The following CNIH3 variants were observed in gnomAD, a reference collection of about 807,000 sequenced individuals.
CNIH3 encodes protein cornichon homolog 3.
CNIH3 carries 14 observed loss-of-function variants against 24.1 expected under a neutral mutation model. That is an observed-to-expected ratio of 0.58 (90% CI 0.38 to 0.91). CNIH3 has a LOEUF of 0.91. Among genes scored for constraint, CNIH3 ranks in the 40% least tolerant of loss-of-function variants. The pLI is 0.00. For missense variants in CNIH3, 178 were observed against 196.8 expected, an observed-to-expected ratio of 0.90 and a Z score of 0.57; for synonymous variants, 68 against 73.8, an observed-to-expected ratio of 0.92 and a Z score of 0.40.
rs182412002 is a variant in CNIH3, at chr1:224,544,839, T to C, written n.340-1990T>C. On this transcript the variant is annotated intron_variant and non_coding_transcript_variant, in intron 2 of 5. Coordinates refer to the CNIH3 transcript ENST00000471578. ...TCACTGCTAGAATCAAGAAAACACATGGCTTCTCCCTGCCTCCTACTTTCC... is the reference window on the plus strand; with the variant it reads ...TCACTGCTAGAATCAAGAAAACACACGGCTTCTCCCTGCCTCCTACTTTCC... 8.4e-4 allele frequency among the ~76,000 whole-genome samples: 128 copies of C among 152,316 alleles called. 1 individual carries two copies. The highest frequency in any genetic ancestry group is 1.8e-3 in the Admixed American group (27 of 15,302).
chr1:224,548,863 G>C (rs1024133938), intron 3 of CNIH3, among the ~76,000 whole-genome samples: 1 of 151,280 alleles, frequency 6.6e-6, no homozygotes, highest in Non-Finnish European at 1.5e-5. Flanking sequence ...ACCCTGGGAC[G>C]TTATTCGTAG....
chr1:224,642,073 T>G (rs915329272), intron 1 of CNIH3, among the ~76,000 whole-genome samples: 2 of 152,220 alleles, frequency 1.3e-5, no homozygotes, highest in African/African-American at 4.8e-5. Context: ...CATAACAAGA[T>G]TTGTTACATG....
At chr1:224,698,668 C>T (rs1687308431) in intron 3 of CNIH3, among the ~76,000 whole-genome samples, 1 of 152,162 alleles carries the variant, frequency 6.6e-6, no homozygotes, top group Non-Finnish European at 1.5e-5. Context: ...ATTTCAAGCA[C>T]ACATATTCTG....
chr1:224,645,716 A>G (rs939680335), intron 1 of CNIH3, among the ~76,000 whole-genome samples: 1 of 152,234 alleles, frequency 6.6e-6, no homozygotes, highest in Admixed American at 6.5e-5. Flanking sequence ...GGAGCCTAGA[A>G]ACCTAAAGAA....
chr1:224,706,478 G>C (rs1179853379), intron 3 of CNIH3, among the ~76,000 whole-genome samples: 1 of 152,166 alleles, frequency 6.6e-6, no homozygotes, highest in East Asian at 1.9e-4. Context: ...GGTCTGAGGA[G>C]TAACAGTGCG....
chr1:224,637,004 T>A (rs1385773198), intron 1 of CNIH3, among the ~76,000 whole-genome samples: 2 of 149,682 alleles, frequency 1.3e-5, no homozygotes, highest in Non-Finnish European at 3.0e-5. Context: ...TGGGCTGGAG[T>A]GCAGTGGCGT....
downstream of CNIH3, among the ~76,000 whole-genome samples, chr1:224,541,474 T>C (rs1679509878): frequency 6.6e-6 from 1 of 152,066 alleles, no homozygotes; most frequent in African/African-American, 2.4e-5. Flanking sequence ...AAAAGTTAGA[T>C]AAGAGGAAAG....
chr1:224,613,357 A>G (rs1442285696), upstream of CNIH3, among the ~76,000 whole-genome samples: 1 of 152,234 alleles, frequency 6.6e-6, no homozygotes, highest in Non-Finnish European at 1.5e-5. Context: ...TAAAAGAGAA[A>G]GCAACATAGG....
intron 1 of CNIH3, among the ~76,000 whole-genome samples, chr1:224,469,399 C>T (rs375664214): frequency 1.3e-5 from 2 of 152,194 alleles, no homozygotes; most frequent in South Asian, 4.1e-4. Context: ...TCTTCTTTAG[C>T]CTGTTGATAT....
intron 1 of CNIH3, among the ~76,000 whole-genome samples, chr1:224,502,411 G>C (rs113843166): frequency 6.6e-6 from 1 of 152,314 alleles, no homozygotes; most frequent in East Asian, 1.9e-4. Flanking sequence ...CTCCTGAAAG[G>C]CACAGCCATG....
chr1:224,473,173 G>A (rs369340236), intron 1 of CNIH3, among the ~76,000 whole-genome samples: 44 of 152,064 alleles, frequency 2.9e-4, no homozygotes, highest in African/African-American at 1.0e-3. Context: ...ATTTAAAAAC[G>A]TACAATGGAT....
chr1:224,660,596 A>G (rs1685304593), intron 1 of CNIH3, among the ~76,000 whole-genome samples: 1 of 152,086 alleles, frequency 6.6e-6, no homozygotes, highest in African/African-American at 2.4e-5. Context: ...TACCAGCTTT[A>G]CTTTTTTAAA....
At chr1:224,630,683 G>A (rs933763075) in intron 1 of CNIH3, among the ~76,000 whole-genome samples, 1 of 152,056 alleles carries the variant, frequency 6.6e-6, no homozygotes, top group South Asian at 2.1e-4. Flanking sequence ...TGCCTTAGTG[G>A]GAACAATTAA....
intron 4 of CNIH3, among the ~76,000 whole-genome samples, chr1:224,733,227 G>A (rs1048452641): frequency 9.2e-5 from 14 of 152,190 alleles, no homozygotes; most frequent in African/African-American, 3.1e-4. Flanking sequence ...CCATTTCACC[G>A]ATGAGAAAGT....
chr1:224,599,194 G>C (rs1682109258), intron 3 of CNIH3, among the ~76,000 whole-genome samples: 1 of 152,060 alleles, frequency 6.6e-6, no homozygotes. Context: ...TATGAAATGG[G>C]CTCAGCTGGG....
chr1:224,494,112 T>C (rs1030677994), intron 1 of CNIH3, among the ~76,000 whole-genome samples: 2 of 152,246 alleles, frequency 1.3e-5, no homozygotes, highest in East Asian at 3.8e-4. Context: ...ATATGTCTTA[T>C]CACAGATGTC....
chr1:224,674,061 G>A (rs559011228), intron 1 of CNIH3, among the ~76,000 whole-genome samples: 11 of 152,304 alleles, frequency 7.2e-5, no homozygotes, highest in African/African-American at 2.4e-4. Context: ...TGCAGATCAA[G>A]TTATGTCAAT....
chr1:224,661,344 C>A, intron 1 of CNIH3: 1 of 285,560 alleles, frequency 3.5e-6, no homozygotes, highest in South Asian at 4.3e-5. Context: ...AGTTGCCCAT[C>A]CCACTACCAC....
At chr1:224,660,854 C>G (rs1685318428) in intron 1 of CNIH3, among the ~76,000 whole-genome samples, 5 of 152,310 alleles carry the variant, frequency 3.3e-5, no homozygotes, top group Non-Finnish European at 7.3e-5. Flanking sequence ...GATGGAAAAG[C>G]AGATCCATGC....
Sources: allele counts gnomAD v4.1 joint callset (sites outside exome capture counted in the v4.1 genomes callset), GRCh38; gene constraint gnomAD v4.1.1; transcripts MANE v1.5; gene names NCBI Gene and HGNC (gene_info 2026-07-23, HGNC 2026-07-21).